CDC123: variants seen among roughly 807,000 people sequenced by gnomAD.
The protein encoded by CDC123 is translation initiation factor eIF2 assembly protein.
CDC123 carries 37 observed loss-of-function variants against 54.4 expected under a neutral mutation model. The ratio of observed to expected loss-of-function variants is 0.68; its 90% CI spans 0.52 to 0.89. The LOEUF is 0.89. Ranked by LOEUF, CDC123 falls within the 40% of genes least tolerant of loss-of-function variation. The probability of loss-of-function intolerance (pLI) is 0.00; values close to 1 mark genes in which losing one functional copy is unlikely to be tolerated. For synonymous variants in CDC123, 144 were observed against 136.8 expected (o/e 1.05, Z -0.37); for missense variants, 361 against 412.1 (o/e 0.88, Z 1.07).
chr10:12,227,344 C>G (rs11257608), intron 6 of CDC123, among the ~76,000 whole-genome samples: 5 of 151,794 alleles, frequency 3.3e-5, no homozygotes, highest in African/African-American at 9.7e-5. Context: ...AATACTAGTA[C>G]GGAGCCCAAG....
intron 9 of CDC123, among the ~76,000 whole-genome samples, chr10:12,237,734 T>C (rs988494077): frequency 6.6e-6 from 1 of 152,218 alleles, no homozygotes; most frequent in Non-Finnish European, 1.5e-5. Flanking sequence ...GCACCAGCCA[T>C]GTTAATTTCA....
chr10:12,235,615 A>G (rs1835968949), intron 8 of CDC123, among the ~76,000 whole-genome samples: 1 of 152,168 alleles, frequency 6.6e-6, no homozygotes, highest in African/African-American at 2.4e-5. Flanking sequence ...GTTTGCTATG[A>G]TTGATTTAAC....
chr10:12,220,780 A>G (rs934815855), intron 6 of CDC123, among the ~76,000 whole-genome samples: 7 of 152,204 alleles, frequency 4.6e-5, no homozygotes, highest in Non-Finnish European at 7.3e-5. Context: ...GATCCAGATC[A>G]TCCTGGCTAA....
chr10:12,228,837 T>C (rs937052983), intron 6 of CDC123, among the ~76,000 whole-genome samples: 1 of 152,232 alleles, frequency 6.6e-6, no homozygotes, highest in Non-Finnish European at 1.5e-5. Context: ...CCCAAAGTGC[T>C]GGGATTATAG....
rs746421895 is a variant in CDC123 at position 12,246,328 on chromosome 10, T to G, written c.846+51T>G. 2.5e-6 allele frequency: 4 copies of G among 1,598,758 alleles called. No homozygotes were observed. The African/African-American group carries it at 5.4e-5, about 21-fold the overall frequency. On this transcript the variant is annotated intron_variant, in intron 11 of 12. Transcript: ENST00000281141. ...ATGTAAACCTTTCCAGTCTACTGACTGACTGCTTGTTCTTCAGACGCATAG... is the reference window on the plus strand; with the variant it reads ...ATGTAAACCTTTCCAGTCTACTGACGGACTGCTTGTTCTTCAGACGCATAG...
At chr10:12,240,026 A>AT (rs1164366770) in intron 10 of CDC123, among the ~76,000 whole-genome samples, 1 of 146,804 alleles carries the variant, frequency 6.8e-6, no homozygotes, top group South Asian at 2.2e-4. Context: ...AAAAAAAAAA[A>AT]TTATTATTAT....
At chr10:12,242,777 A>G (rs1836076474) in intron 10 of CDC123, among the ~76,000 whole-genome samples, 1 of 152,078 alleles carries the variant, frequency 6.6e-6, no homozygotes, top group Admixed American at 6.6e-5. Flanking sequence ...CCCCGTCTCT[A>G]CTAAAAATAC....
chr10:12,209,866 A>G (rs572185169), intron 2 of CDC123, 101 bp from the exon 3 acceptor site: 72 of 1,164,104 alleles, frequency 6.2e-5, no homozygotes, highest in Middle Eastern at 3.8e-4. Context: ...ACCTAGCCTA[A>G]TTTTAAGGCT....
At position 12,237,136 on chromosome 10, in the gene CDC123, C is replaced by A. The variant is rs762277043; in HGVS notation, c.566-8C>A. ...ATAATAACAGGATGTAAAATATTTT[C>A]TTGTCAGGTATTTCTCAAAGAGACT... On this transcript the variant is annotated splice_region_variant and splice_polypyrimidine_tract_variant and intron_variant, in intron 8 of 12. Transcript: ENST00000281141. The A allele has an allele frequency of 2.0e-6, 3 of 1,519,768 alleles. No homozygotes were observed. The highest frequency in any genetic ancestry group is 2.7e-5 in the South Asian group (2 of 75,244). The allele number at this position is 1,519,768 out of a possible 1,614,324, so 94.1% of individuals were successfully genotyped here. A position where few individuals can be genotyped will look rare whatever the true frequency, so the allele number is the denominator to read the frequency against.
chr10:12,209,060 T>C (rs1397904850), intron 2 of CDC123, among the ~76,000 whole-genome samples: 2 of 152,212 alleles, frequency 1.3e-5, no homozygotes, highest in Admixed American at 6.5e-5. Context: ...TTTATCCTAT[T>C]CCATCTTTCC....
intron 2 of CDC123, among the ~76,000 whole-genome samples, chr10:12,208,125 G>A (rs188950115): frequency 2.6e-4 from 40 of 152,110 alleles, no homozygotes; most frequent in East Asian, 1.9e-4. Flanking sequence ...GTTTCCAGAG[G>A]GAACACAGAG....
chr10:12,200,440 A>G lies in CDC123; in HGVS notation c.146+1664A>G, dbSNP rs564708820. ...TGTGCCCAGTCAGTTTTATTCTCAA[A>G]TACGTGTACCTATTTGCTTTATAAA... On this transcript the variant is annotated intron_variant, in intron 2 of 12. Transcript: ENST00000281141. Among the ~76,000 whole-genome samples, 3 of 152,122 alleles carry G rather than the reference A, an allele frequency of 2.0e-5. No homozygotes were observed. The South Asian group carries it at 6.2e-4, about 32-fold the overall frequency.
intron 5 of CDC123, among the ~76,000 whole-genome samples, chr10:12,216,465 T>C (rs1588673843): frequency 6.6e-6 from 1 of 152,222 alleles, no homozygotes; most frequent in East Asian, 1.9e-4. Flanking sequence ...TTTACTTTTA[T>C]TATTTTTTCT....
intron 2 of CDC123, among the ~76,000 whole-genome samples, chr10:12,200,389 G>C (rs1835425510): frequency 6.6e-6 from 1 of 151,704 alleles, no homozygotes; most frequent in South Asian, 2.1e-4. Context: ...GCCTCCCAAA[G>C]TGTTGGGATT....
At chr10:12,231,049 C>T in intron 7 of CDC123, 53 bp downstream of exon 7, 2 of 1,433,064 alleles carry the variant, frequency 1.4e-6, no homozygotes, top group Non-Finnish European at 1.9e-6. Context: ...TTGAGAATTG[C>T]TATTTATTCT....
chr10:12,208,277 G>A (rs1050273435), intron 2 of CDC123, among the ~76,000 whole-genome samples: 3 of 152,144 alleles, frequency 2.0e-5, no homozygotes, highest in Non-Finnish European at 4.4e-5. Flanking sequence ...GTGTGTTGAG[G>A]AGGGGCCAGA....
intron 3 of CDC123, 96 bp from the exon 4 acceptor site, chr10:12,210,194 C>G: frequency 6.7e-7 from 1 of 1,498,868 alleles, no homozygotes; most frequent in Non-Finnish European, 9.1e-7. Context: ...AAGATGTCTC[C>G]TGTTTGATTT....
At chr10:12,241,292 A>G (rs1159315772) in intron 10 of CDC123, among the ~76,000 whole-genome samples, 1 of 152,114 alleles carries the variant, frequency 6.6e-6, no homozygotes, top group Admixed American at 6.6e-5. Flanking sequence ...TATGTATTAC[A>G]GAGATTAGGC....
chr10:12,206,090 G>C (rs548228527), intron 2 of CDC123, among the ~76,000 whole-genome samples: 25 of 152,270 alleles, frequency 1.6e-4, no homozygotes, highest in African/African-American at 5.5e-4. Context: ...GTGAGCCACC[G>C]TACTTGGCCA....
Sources: allele counts gnomAD v4.1 joint callset (sites outside exome capture counted in the v4.1 genomes callset), GRCh38; gene constraint gnomAD v4.1.1; transcripts MANE v1.5; gene names NCBI Gene and HGNC (gene_info 2026-07-23, HGNC 2026-07-21).